The following ASIC2 variants were observed in gnomAD, a reference collection of about 807,000 sequenced individuals.
The protein encoded by ASIC2 is acid-sensing ion channel 2.
Under a neutral mutation model 57.3 loss-of-function variants are expected in ASIC2, and 25 were observed. The observed-to-expected ratio is 0.44, with a 90% CI of 0.32 to 0.61. ASIC2 has a LOEUF of 0.61. Ranked by LOEUF, ASIC2 falls within the 20% of genes least tolerant of loss-of-function variation. The pLI, the probability that ASIC2 is intolerant of heterozygous loss-of-function variation, is 0.06. For missense variants in ASIC2, 641 were observed against 738.1 expected, an observed-to-expected ratio of 0.87 and a Z score of 1.52; for synonymous variants, 319 against 307.5, an observed-to-expected ratio of 1.04 and a Z score of -0.39.
At chr17:33,990,528 A>G (rs317362) in intron 1 of ASIC2, among the ~76,000 whole-genome samples, 127,821 of 152,162 alleles carry the variant, frequency 0.84, 55,525 homozygotes, top group Non-Finnish European at 0.96. Flanking sequence ...AAGACCAACA[A>G]GCACTGAAGA....
At chr17:33,865,134 T>G (rs1348156109) in intron 1 of ASIC2, among the ~76,000 whole-genome samples, 2 of 152,054 alleles carry the variant, frequency 1.3e-5, no homozygotes, top group African/African-American at 4.8e-5. Context: ...AGGAATGGAG[T>G]CAGGGGACCT....
intron 1 of ASIC2, among the ~76,000 whole-genome samples, chr17:33,686,699 C>T (rs541527107): frequency 8.5e-5 from 13 of 152,212 alleles, no homozygotes; most frequent in Non-Finnish European, 1.6e-4. Flanking sequence ...TCCCAAACAG[C>T]TCCTGGAATT....
chr17:33,856,195 C>A (rs1177723908), intron 1 of ASIC2, among the ~76,000 whole-genome samples: 1 of 152,128 alleles, frequency 6.6e-6, no homozygotes, highest in African/African-American at 2.4e-5. Flanking sequence ...TGGCTTGGAG[C>A]AAGTTAATTA....
chr17:33,320,073 C>A (rs1906809927), intron 1 of ASIC2, among the ~76,000 whole-genome samples: 2 of 152,074 alleles, frequency 1.3e-5, no homozygotes, highest in Admixed American at 1.3e-4. Context: ...GCTCGTGGAG[C>A]AGTAAAAAGC....
At chr17:33,530,833 A>AT (rs1915029664) in intron 1 of ASIC2, among the ~76,000 whole-genome samples, 2 of 152,198 alleles carry the variant, frequency 1.3e-5, no homozygotes, top group South Asian at 4.1e-4. Context: ...TAGTTTATGC[A>AT]TTCACTCATT....
intron 1 of ASIC2, among the ~76,000 whole-genome samples, chr17:33,874,331 C>T (rs1914499747): frequency 6.6e-6 from 1 of 152,168 alleles, no homozygotes; most frequent in Non-Finnish European, 1.5e-5. Flanking sequence ...AGGACATCAA[C>T]TAAATTTTAA....
chr17:33,847,122 G>C (rs899955037), intron 1 of ASIC2, among the ~76,000 whole-genome samples: 3 of 151,322 alleles, frequency 2.0e-5, no homozygotes, highest in African/African-American at 4.9e-5. Context: ...CGACCTCTTT[G>C]CATCTTCTCT....
intron 1 of ASIC2, among the ~76,000 whole-genome samples, chr17:33,528,105 G>A (rs976559543): frequency 2.0e-5 from 3 of 150,914 alleles, no homozygotes; most frequent in South Asian, 2.1e-4. Flanking sequence ...TCATTACCAC[G>A]CCCTCGTAGG....
chr17:33,417,190 A>G (rs1298651212), intron 1 of ASIC2, among the ~76,000 whole-genome samples: 3 of 152,060 alleles, frequency 2.0e-5, no homozygotes, highest in Non-Finnish European at 4.4e-5. Context: ...AGCAAGCCCA[A>G]TTTTCTTAGG....
intron 1 of ASIC2, among the ~76,000 whole-genome samples, chr17:33,944,357 G>C (rs117308552): frequency 0.013 from 1,933 of 152,320 alleles, 20 homozygotes; most frequent in Non-Finnish European, 0.02. Context: ...CGCCAGTTTA[G>C]CATGAACTTT....
At chr17:33,996,363 C>T (rs745434905) in intron 1 of ASIC2, among the ~76,000 whole-genome samples, 4 of 152,126 alleles carry the variant, frequency 2.6e-5, no homozygotes, top group South Asian at 2.1e-4. Flanking sequence ...GATGCAATCT[C>T]GTTTGTCTAG....
intron 1 of ASIC2, among the ~76,000 whole-genome samples, chr17:33,899,130 G>A (rs375768514): frequency 1.1e-4 from 15 of 140,812 alleles, no homozygotes; most frequent in Admixed American, 1.4e-4. Context: ...TCCATCTCAG[G>A]AAAAAAAAAA....
At chr17:33,079,462 G>A (rs1278215414) in intron 3 of ASIC2, among the ~76,000 whole-genome samples, 1 of 152,108 alleles carries the variant, frequency 6.6e-6, no homozygotes, top group Non-Finnish European at 1.5e-5. Flanking sequence ...GAGGCTGGGG[G>A]AGTAGAGTGA....
At chr17:33,937,348 C>T (rs553511697) in intron 1 of ASIC2, among the ~76,000 whole-genome samples, 12 of 152,174 alleles carry the variant, frequency 7.9e-5, no homozygotes, top group African/African-American at 2.9e-4. Context: ...ATCTGCCCAC[C>T]TCGGCCTCCC....
intron 1 of ASIC2, among the ~76,000 whole-genome samples, chr17:34,111,272 T>C (rs1378857507): frequency 6.7e-6 from 1 of 148,198 alleles, no homozygotes; most frequent in Non-Finnish European, 1.5e-5. Flanking sequence ...ATATATTATA[T>C]ACAACATATT....
chr17:33,587,461 T>C (rs1904675721), intron 1 of ASIC2, among the ~76,000 whole-genome samples: 1 of 152,220 alleles, frequency 6.6e-6, no homozygotes, highest in Admixed American at 6.5e-5. Context: ...GTACACATGA[T>C]GTCTTTACAC....
chr17:33,870,596 C>T (rs1209396091), intron 1 of ASIC2, among the ~76,000 whole-genome samples: 3 of 151,984 alleles, frequency 2.0e-5, no homozygotes, highest in Admixed American at 6.5e-5. Context: ...GTACAATTTT[C>T]GGAATCTACT....
rs117919102 is a variant in ASIC2, at chr17:33,897,262, T to C, written c.555+258716A>G. Among the ~76,000 whole-genome samples, 15 of 152,340 alleles carry C rather than the reference T, an allele frequency of 9.8e-5. No individual in the cohort carries two copies. The East Asian group carries it at 2.5e-3, about 25-fold the overall frequency. On this transcript the variant is annotated intron_variant, in intron 1 of 9. Transcript: ENST00000359872. ...TTCCTTCTTCCAACTTCAATGATATTCTGCACAGCATCTATCAAATGTCCT... is the reference window on the plus strand; with the variant it reads ...TTCCTTCTTCCAACTTCAATGATATCCTGCACAGCATCTATCAAATGTCCT...
rs1190346977 is a variant in ASIC2, at chr17:33,164,625, C to T, written c.709-52558G>A. Among the ~76,000 whole-genome samples the T allele has an allele frequency of 5.3e-5, 8 of 152,150 alleles. No individual in the cohort carries two copies. The South Asian group carries it at 1.5e-3, about 28-fold the overall frequency. On this transcript the variant is annotated intron_variant, in intron 1 of 9. Transcript: ENST00000225823. ...ACACTTATACACACATGGTTATGCA[C>T]GCATGCAAACACGACTGTTGCAGGG...
Sources: gnomAD v4.1 joint callset for allele counts (sites outside exome capture counted in the v4.1 genomes callset) on GRCh38, gnomAD v4.1.1 for gene constraint, MANE v1.5 for transcripts, NCBI Gene and HGNC (gene_info 2026-07-23, HGNC 2026-07-21) for gene names.